Variants in SGPP1 observed in about 807,000 individuals in gnomAD.
SGPP1 encodes the protein hSPP1.
A neutral mutation model predicts 33.0 loss-of-function variants in SGPP1; 21 were observed. That is an observed-to-expected ratio of 0.64 (90% CI 0.45 to 0.92). The LOEUF is 0.92. Among genes scored for constraint, SGPP1 ranks in the 40% least tolerant of loss-of-function variants. SGPP1 has a pLI of 0.00. For missense variants in SGPP1, 543 were observed against 589.4 expected, an observed-to-expected ratio of 0.92 and a Z score of 0.81; for synonymous variants, 239 against 241.2, an observed-to-expected ratio of 0.99 and a Z score of 0.08.
chr14:63,714,185 A>C (rs1303782339), intron 1 of SGPP1, among the ~76,000 whole-genome samples: 2 of 152,332 alleles, frequency 1.3e-5, no homozygotes, highest in South Asian at 4.1e-4. Flanking sequence ...GTAGAAACTT[A>C]ATAAACGAAG....
At chr14:63,721,254 T>G (rs1266486653) in intron 1 of SGPP1, among the ~76,000 whole-genome samples, 2 of 152,180 alleles carry the variant, frequency 1.3e-5, no homozygotes, top group Non-Finnish European at 2.9e-5. Context: ...CACTCCAGGC[T>G]GGGCAACAGA....
chr14:63,696,611 G>C (rs1170663530), intron 2 of SGPP1, among the ~76,000 whole-genome samples: 2 of 152,206 alleles, frequency 1.3e-5, no homozygotes, highest in African/African-American at 2.4e-5. Flanking sequence ...AGATTAGTCA[G>C]AAAGAAGTGT....
intron 1 of SGPP1, among the ~76,000 whole-genome samples, chr14:63,706,283 G>A (rs1018815436): frequency 2.6e-5 from 4 of 152,084 alleles, no homozygotes; most frequent in Non-Finnish European, 5.9e-5. Flanking sequence ...AGAGAGAAAC[G>A]GGGAGCCAAA....
At chr14:63,724,152 G>T (rs182319497) in intron 1 of SGPP1, among the ~76,000 whole-genome samples, 14,286 of 151,980 alleles carry the variant, frequency 0.094, 1,468 homozygotes, top group African/African-American at 0.26. Flanking sequence ...AGTGCTAGGT[G>T]TACAGGGATG....
chr14:63,692,371 C>T (rs888693658), intron 2 of SGPP1, among the ~76,000 whole-genome samples: 1 of 152,058 alleles, frequency 6.6e-6, no homozygotes, highest in African/African-American at 2.4e-5. Context: ...ATTGAAGGTA[C>T]TTGACACAGT....
chr14:63,715,783 T>C (rs977335469), intron 1 of SGPP1, among the ~76,000 whole-genome samples: 3 of 152,118 alleles, frequency 2.0e-5, no homozygotes, highest in Non-Finnish European at 2.9e-5. Flanking sequence ...TGAGTACTAA[T>C]CTGTGCATGC....
At chr14:63,715,239 TCCTGA>T in intron 1 of SGPP1, among the ~76,000 whole-genome samples, 1 of 151,942 alleles carries the variant, frequency 6.6e-6, no homozygotes, top group Middle Eastern at 3.4e-3. Context: ...GGTCTCGAAC[TCCTGA>T]CCTCAGGTGA....
At chr14:63,707,234 CATT>C (rs931543181) in intron 1 of SGPP1, among the ~76,000 whole-genome samples, 3 of 151,974 alleles carry the variant, frequency 2.0e-5, no homozygotes, top group Non-Finnish European at 4.4e-5. Context: ...ACCATATACA[CATT>C]ATAATTAAAA....
rs1160058130 is a variant in SGPP1 at position 63,684,878 on chromosome 14, AG to A, written c.*1226del. ...GATCTAAAATACTGATACTAATTTT[AG>A]GTTTTATAATTTACCTTAAATAGCC... On this transcript the variant is annotated 3_prime_UTR_variant, in exon 3 of 3. Transcript: ENST00000247225. 6 of 152,618 alleles carry A rather than the reference AG, an allele frequency of 3.9e-5. No homozygotes were observed. The East Asian group carries it at 7.7e-4, about 20-fold the overall frequency. 9.5% of individuals were successfully genotyped at this position (152,618 alleles called of 1,614,324 possible).
At chr14:63,713,571 C>A (rs551208501) in intron 1 of SGPP1, among the ~76,000 whole-genome samples, 81 of 152,234 alleles carry the variant, frequency 5.3e-4, no homozygotes, top group Middle Eastern at 6.8e-3. Flanking sequence ...TCTCTAAAGT[C>A]TAAAATCTCT....
chr14:63,709,625 T>C (rs192771523), intron 1 of SGPP1, among the ~76,000 whole-genome samples: 1 of 152,318 alleles, frequency 6.6e-6, no homozygotes, highest in African/African-American at 2.4e-5. Flanking sequence ...GGCATTTATG[T>C]ATTTCCTCTA....
Position 63,686,413 on chromosome 14 carries a change from C to T in SGPP1, c.1018G>A (p.Gly340Ser). Residue 340 changes from glycine to serine, a missense_variant, in exon 3 of 3, where the codon GGT (glycine) becomes AGT (serine). Coordinates refer to ENST00000247225, the MANE Select transcript of SGPP1 (RefSeq NM_030791.4). ...TCTAGAGAAGGATCTAATACTAGAC[C>T]CATGTTATAAGTAACATGAGATCCA... ...ACGSHVTYNM[G>S]LVLDPSLDTL... is the part of the protein sequence containing the mutation. 1.2e-6 allele frequency: 2 copies of T among 1,613,986 alleles called. No individual in the cohort carries two copies. The highest frequency in any genetic ancestry group is 1.7e-6 in the Non-Finnish European group (2 of 1,179,954).
intron 1 of SGPP1, among the ~76,000 whole-genome samples, chr14:63,720,871 C>T (rs1595073428): frequency 6.6e-6 from 1 of 152,144 alleles, no homozygotes; most frequent in East Asian, 1.9e-4. Context: ...AAAAAAGACC[C>T]TAGAAGCTGT....
intron 1 of SGPP1, among the ~76,000 whole-genome samples, chr14:63,705,629 T>C (rs934069332): frequency 5.9e-5 from 9 of 151,924 alleles, no homozygotes; most frequent in Non-Finnish European, 1.0e-4. Flanking sequence ...GATCATGCCA[T>C]TGCGTTCTAG....
intron 1 of SGPP1, among the ~76,000 whole-genome samples, chr14:63,702,406 T>C (rs1005110270): frequency 2.0e-5 from 3 of 151,980 alleles, no homozygotes; most frequent in African/African-American, 4.8e-5. Context: ...GATTTTTTTA[T>C]GGAAAAAAAA....
intron 1 of SGPP1, among the ~76,000 whole-genome samples, chr14:63,704,543 A>G (rs1183775035): frequency 6.6e-6 from 1 of 152,184 alleles, no homozygotes; most frequent in Admixed American, 6.5e-5. Context: ...TATAGCAGCT[A>G]AAAACTTTTA....
At chr14:63,689,926 G>C (rs530548207) in intron 2 of SGPP1, among the ~76,000 whole-genome samples, 2 of 152,220 alleles carry the variant, frequency 1.3e-5, no homozygotes, top group African/African-American at 2.4e-5. Flanking sequence ...GTAGTTATCG[G>C]TCATTCACTT....
intron 2 of SGPP1, 146 bp downstream of exon 2, chr14:63,698,423 T>G: frequency 2.2e-6 from 1 of 456,582 alleles, no homozygotes; most frequent in Non-Finnish European, 4.0e-6. Context: ...TAAACCATCA[T>G]GTTGATATTT....
At chr14:63,687,957 C>T (rs1409147495) in intron 2 of SGPP1, among the ~76,000 whole-genome samples, 1 of 152,160 alleles carries the variant, frequency 6.6e-6, no homozygotes, top group African/African-American at 2.4e-5. Context: ...CCTGTCTCTA[C>T]TAGAAATACA....
Sources: allele counts gnomAD v4.1 joint callset (sites outside exome capture counted in the v4.1 genomes callset), GRCh38; gene constraint gnomAD v4.1.1; transcripts MANE v1.5; gene names NCBI Gene and HGNC (gene_info 2026-07-23, HGNC 2026-07-21).